The following DZIP1L variants were observed in gnomAD, a reference collection of about 807,000 sequenced individuals.
DZIP1L encodes the protein cilium assembly protein DZIP1L.
In DZIP1L, 90 loss-of-function variants were observed where a neutral mutation model predicts 88.7. That is an observed-to-expected ratio of 1.02 (90% confidence interval 0.86 to 1.21). The LOEUF is 1.21. Among genes scored for constraint, DZIP1L ranks in the 50% most tolerant of loss-of-function variants. The pLI is 0.00. For synonymous variants in DZIP1L, 363 were observed against 372.1 expected, an observed-to-expected ratio of 0.98 and a Z score of 0.28; for missense variants, 932 against 955.8, an observed-to-expected ratio of 0.98 and a Z score of 0.33.
In DZIP1L at chr3:138,063,112, A is replaced by T; in HGVS notation, c.2143-135T>A. 1.1e-6 allele frequency: 1 copy of T among 947,736 alleles called. No individual in the cohort carries two copies. Among genetic ancestry groups the T allele is most frequent in the Non-Finnish European group, 1.6e-6 (1 of 640,750 alleles). The allele number at this position is 947,736 out of a possible 1,614,324, so 58.7% of individuals were successfully genotyped here. ...AGACTGGGAAGAAAGCAATAGGGAG[A>T]TGCTACTCCTCCTGACTTCTCAAGT... On this transcript the variant is annotated intron_variant, in intron 15 of 15. Transcript: ENST00000327532. The surrounding 1 kb of genome is among the most constrained non-coding windows in gnomAD (Gnocchi z 4.1).
At position 138,067,562 on chromosome 3, in the gene DZIP1L, C is replaced by T. The variant is rs1942965263; in HGVS notation, c.1971G>A (p.Glu657=). Residue 657 remains glutamate (E), a synonymous_variant, in exon 14 of 16, where the codon GAG becomes GAA. Transcript: ENST00000327532. ...CCTGGCCAGGGGGCTGGGCATTCTCCTCCGAGGTCTCTGTGTCAGACCAGT... is the reference window on the plus strand; with the variant it reads ...CCTGGCCAGGGGGCTGGGCATTCTCTTCCGAGGTCTCTGTGTCAGACCAGT... ...DWDWSDTETS[E]ENAQPPGQGS... The T allele has an allele frequency of 1.2e-6, 2 of 1,610,128 alleles. No individual in the cohort carries two copies. The highest frequency in any genetic ancestry group is 1.7e-6 in the Non-Finnish European group (2 of 1,178,410).
intron 5 of DZIP1L, chr3:138,089,195 A>T (rs1405656289): frequency 1.0e-6 from 1 of 985,318 alleles, no homozygotes; most frequent in Non-Finnish European, 1.2e-6. Flanking sequence ...GTTTAACTTG[A>T]TATCATTCTT....
intron 3 of DZIP1L, among the ~76,000 whole-genome samples, chr3:138,096,913 C>T (rs984705793): frequency 2.0e-5 from 3 of 152,134 alleles, no homozygotes; most frequent in African/African-American, 7.2e-5. Context: ...GGTGCAGTGG[C>T]TCATGCCTGT....
At chr3:138,069,069 G>C in intron 12 of DZIP1L, 1 of 1,106,102 alleles carries the variant, frequency 9.0e-7, no homozygotes, top group Non-Finnish European at 1.2e-6. Context: ...ACGTGGGGTT[G>C]AACAGCCATG....
In DZIP1L at chr3:138,068,284, C is replaced by T; in HGVS notation, c.1699G>A (p.Ala567Thr). Reference protein sequence around the residue: ...TLQVALPSTPAEPPPPTRQSH... With the variant: ...TLQVALPSTPTEPPPPTRQSH... ...TGACGAGTTGGTGGGGGTGGCTCTG[C>T]CGGTGTGGATGGCAAGGCCACCTGC... The change falls in exon 13 of 16, where the codon GCA becomes ACA. Residue 567 changes from alanine to threonine, a missense_variant. Ala to Thr is a moderately conservative substitution (Grantham distance 58). Transcript: ENST00000327532. 6.3e-7 allele frequency: 1 copy of T among 1,596,908 alleles called. No individual in the cohort carries two copies. The highest frequency in any genetic ancestry group is 8.5e-7 in the Non-Finnish European group (1 of 1,171,036).
intron 1 of DZIP1L, among the ~76,000 whole-genome samples, chr3:138,115,031 T>TG (rs2042669996): frequency 6.6e-6 from 1 of 152,192 alleles, no homozygotes; most frequent in Non-Finnish European, 1.5e-5. Context: ...AGCCGAGTCT[T>TG]GGGGCATCCC....
At position 138,064,628 on chromosome 3, in the gene DZIP1L, C is replaced by A. The variant is rs1316401108; in HGVS notation, c.2142G>T (p.Gln714His). 1.2e-6 allele frequency: 2 copies of A among 1,614,164 alleles called. No homozygotes were observed. The highest frequency in any genetic ancestry group is 1.7e-4 in the Middle Eastern group (1 of 6,060). ...QRAATPGRKP[Q>H]LSEDESDLEI... ...AAACTCTAAGCATCCTACATCCTAC[C>A]TGAGGCTTCCTTCCTGGTGTGGCAG... is the stretch of plus-strand genomic sequence containing the variant. The change falls in exon 15 of 16, where the codon CAG becomes CAT. Residue 714 changes from glutamine (Q) to histidine (H), a missense_variant and splice_region_variant. Gln to His is a conservative substitution (Grantham distance 24, BLOSUM62 0). Transcript: ENST00000327532.
At position 138,068,157 on chromosome 3, in the gene DZIP1L, C is replaced by A; in HGVS notation, c.1826G>T (p.Gly609Val). 6.6e-7 allele frequency: 1 copy of A among 1,504,110 alleles called. No individual in the cohort carries two copies. Among genetic ancestry groups the A allele is most frequent in the Non-Finnish European group, 8.9e-7 (1 of 1,123,040 alleles). The allele number at this position is 1,504,110 out of a possible 1,614,324, so 93.2% of individuals were successfully genotyped here. ...PSSTPPSSGPGMSTPPFSSEE... is the reference protein window; with the variant it reads ...PSSTPPSSGPVMSTPPFSSEE... ...GGCAGAGTCTGGGGCTCACCTCATC[C>A]CGGGCCCCGAGGAAGGAGGGGTGCT... Residue 609 changes from glycine (G) to valine (V), a missense_variant, in exon 13 of 16, where the codon GGG becomes GTG. Transcript: ENST00000327532.
chr3:138,067,683 G>A lies in DZIP1L; in HGVS notation c.1850C>T (p.Ser617Phe), dbSNP rs529669063. 8.9e-5 allele frequency: 142 copies of A among 1,588,418 alleles called. 1 individual carries two copies. The South Asian group carries it at 1.5e-3, about 17-fold the overall frequency. ...ACGGTCTCCCTCTGAGTCCTCTTCA[G>A]AACTGAACGGGGGCGTGCTGCCACG... Reference protein sequence around the residue: ...GPGMSTPPFSSEEDSEGDRVQ... With the variant: ...GPGMSTPPFSFEEDSEGDRVQ... The change falls in exon 14 of 16, where the codon TCT becomes TTT. Residue 617 changes from serine (S) to phenylalanine (F), a missense_variant. Ser to Phe is a radical substitution (Grantham distance 155, BLOSUM62 -2). Transcript: ENST00000327532.
intron 6 of DZIP1L, among the ~76,000 whole-genome samples, chr3:138,087,469 C>G (rs879631811): frequency 1.3e-5 from 2 of 152,148 alleles, no homozygotes; most frequent in Non-Finnish European, 2.9e-5. Context: ...CCATAATACA[C>G]AAAATTGAAG....
intron 7 of DZIP1L, 37 bp from the exon 8 acceptor site, chr3:138,084,290 G>C (rs1275170306): frequency 1.2e-6 from 2 of 1,604,102 alleles, no homozygotes; most frequent in African/African-American, 2.7e-5. Context: ...TCAAATGTCT[G>C]CAGGGACATC....
chr3:138,104,118 C>T (rs2042409899), intron 1 of DZIP1L, 66 bp from the exon 2 acceptor site: 2 of 1,414,200 alleles, frequency 1.4e-6, no homozygotes, highest in Non-Finnish European at 1.9e-6. Flanking sequence ...GTATATCTGG[C>T]CAGCAAGGGC....
chr3:138,097,926 C>A, intron 2 of DZIP1L, 79 bp from the exon 3 acceptor site: 1 of 1,293,288 alleles, frequency 7.7e-7, no homozygotes, highest in East Asian at 2.5e-5. Context: ...ATCAAAGCCC[C>A]CATCCCCTTG....
Position 138,084,233 on chromosome 3 carries a change from C to G in DZIP1L, c.1083G>C (p.Arg361Ser). 6.2e-7 allele frequency: 1 copy of G among 1,614,030 alleles called. No homozygotes were observed. Among genetic ancestry groups the G allele is most frequent in the Non-Finnish European group, 8.5e-7 (1 of 1,179,948 alleles). Residue 361 changes from arginine (R) to serine (S), a missense_variant, in exon 8 of 16, where the codon AGG becomes AGC. Transcript: ENST00000327532. ...GATCCTGAGACAGGGAGGCCTGGAG[C>G]CTCTGGTTCTCCTCCTGTAGCTGGC... ...EKKELQEENQ[R>S]LQASLSQDQK...
At chr3:138,094,272 G>C (rs1559850968) in intron 4 of DZIP1L, among the ~76,000 whole-genome samples, 1 of 152,238 alleles carries the variant, frequency 6.6e-6, no homozygotes, top group Admixed American at 6.5e-5. Context: ...GTTGGAAAAT[G>C]ATGCTGATAA....
chr3:138,073,234 C>T (rs1290439958), intron 11 of DZIP1L, among the ~76,000 whole-genome samples: 2 of 152,106 alleles, frequency 1.3e-5, no homozygotes, highest in Non-Finnish European at 2.9e-5. Context: ...AAAGCACCAC[C>T]TCCTAGCTGG....
intron 4 of DZIP1L, among the ~76,000 whole-genome samples, chr3:138,093,569 T>C (rs1683212173): frequency 6.6e-6 from 1 of 152,232 alleles, no homozygotes; most frequent in East Asian, 1.9e-4. Flanking sequence ...CTATAGAAGG[T>C]TGTTTTTTCT....
Position 138,103,732 on chromosome 3 carries a change from G to A in DZIP1L, c.240C>T (p.Asp80=). The A allele has an allele frequency of 1.9e-6, 3 of 1,613,782 alleles. No individual in the cohort carries two copies. The highest frequency in any genetic ancestry group is 8.5e-7 in the Non-Finnish European group (1 of 1,180,040). The change falls in exon 2 of 16, where the codon GAC becomes GAT. Residue 80 remains aspartate, a synonymous_variant. Transcript: ENST00000327532. ...GGCGCAGCACCTTGAGCAGTGCCGG[G>A]TCCACAGGCTGCCCACAGCGGCTGC... ...EVCSRCGQPV[D]PALLKVLRLA...
chr3:138,102,187 C>T (rs549871969), intron 2 of DZIP1L: 27 of 1,364,770 alleles, frequency 2.0e-5, no homozygotes, highest in Non-Finnish European at 2.2e-5. Flanking sequence ...GACAGCACCA[C>T]AGGCGTGTCC....
Sources: gnomAD v4.1 joint callset for allele counts (sites outside exome capture counted in the v4.1 genomes callset) on GRCh38, gnomAD v4.1.1 for gene constraint, Gnocchi (gnomAD v3.1) non-coding constraint, MANE v1.5 for transcripts, NCBI Gene and HGNC (gene_info 2026-07-23, HGNC 2026-07-21) for gene names.